CCR6: variants seen among roughly 807,000 people sequenced by gnomAD.
CCR6 encodes C-C motif chemokine receptor 6, also known as C-C chemokine receptor type 6.
In CCR6, 2 loss-of-function variants were observed where a neutral mutation model predicts 3.0. That is an observed-to-expected ratio of 0.66 (90% CI 0.27 to 2.07). The LOEUF (loss-of-function observed/expected upper bound fraction) is 2.07, where lower values mean the gene tolerates loss of function less well. CCR6 is among the 30% of genes most tolerant of loss of function. The pLI, the probability that CCR6 is intolerant of heterozygous loss-of-function variation, is 0.14. For synonymous variants in CCR6, 193 were observed against 184.3 expected, an observed-to-expected ratio of 1.05 and a Z score of -0.38; for missense variants, 322 against 462.8, an observed-to-expected ratio of 0.70 and a Z score of 2.79.
intron 1 of CCR6, chr6:167,116,196 T>C (rs1476125529): frequency 6.6e-6 from 1 of 152,262 alleles, no homozygotes; most frequent in Non-Finnish European, 1.5e-5. Flanking sequence ...AATGCGGAAC[T>C]CCTGGCTCTG....
upstream of CCR6, among the ~76,000 whole-genome samples, chr6:167,117,902 C>T (rs544795610): frequency 1.3e-5 from 2 of 150,778 alleles, no homozygotes; most frequent in South Asian, 2.1e-4. Context: ...CTTTTCAGTG[C>T]TCAAATTCTT....
intron 1 of CCR6, among the ~76,000 whole-genome samples, chr6:167,131,774 A>C (rs1253213176): frequency 3.3e-5 from 5 of 152,146 alleles, no homozygotes. Context: ...TGTTTATGGC[A>C]CTAAGTGTCT....
chr6:167,129,547 C>T (rs1781720739), intron 1 of CCR6: 1 of 152,028 alleles, frequency 6.6e-6, no homozygotes, highest in Non-Finnish European at 1.5e-5. Flanking sequence ...TCACAGGCAC[C>T]ATTCGCTGGA....
At position 167,136,419 on chromosome 6, in the gene CCR6, G is replaced by C. The variant is rs1781850992; in HGVS notation, c.189G>C (p.Gly63=). 12 of 1,613,464 alleles carry C rather than the reference G, an allele frequency of 7.4e-6. No individual in the cohort carries two copies. The highest frequency in any genetic ancestry group is 1.3e-5 in the African/African-American group (1 of 75,012). The change falls in exon 3 of 3, where the codon GGG becomes GGC. Residue 63 remains glycine, a synonymous_variant. Coordinates refer to ENST00000341935, the MANE Select transcript of CCR6 (RefSeq NM_031409.4). The surrounding 1 kb of genome is among the most constrained non-coding windows in gnomAD (Gnocchi z 4.6). ...YSLICVFGLL[G]NILVVITFAF... ...TGATCTGTGTCTTTGGCCTCCTGGG[G>C]AATATTCTGGTGGTGATCACCTTTG...
intron 1 of CCR6, among the ~76,000 whole-genome samples, chr6:167,130,845 G>A (rs1781741719): frequency 6.9e-6 from 1 of 145,466 alleles, no homozygotes; most frequent in African/African-American, 2.7e-5. Flanking sequence ...GACGGAGTAG[G>A]CCAGCTTCTC....
In CCR6 at chr6:167,136,334, T is replaced by C; in HGVS notation, c.104T>C (p.Leu35Pro). 6.2e-7 allele frequency: 1 copy of C among 1,614,188 alleles called. No homozygotes were observed. Among genetic ancestry groups the C allele is most frequent in the Non-Finnish European group, 8.5e-7 (1 of 1,180,010 alleles). The change falls in exon 3 of 3, where the codon CTG becomes CCG. Residue 35 changes from leucine (L) to proline (P), a missense_variant. Coordinates refer to ENST00000341935, the MANE Select transcript of CCR6 (RefSeq NM_031409.4). This position sits in a 1 kb window ranked among gnomAD's most constrained non-coding sequence, Gnocchi z 4.6. ...SYYSVDSEML[L>P]CSLQEVRQFS... ...TACTCAGTTGATTCTGAGATGTTACTGTGCTCCTTGCAGGAGGTCAGGCAG... is the reference window on the plus strand; with the variant it reads ...TACTCAGTTGATTCTGAGATGTTACCGTGCTCCTTGCAGGAGGTCAGGCAG...
At position 167,137,340 on chromosome 6, in the gene CCR6, G is replaced by A. The variant is rs773654249; in HGVS notation, c.1110G>A (p.Ser370=). 33 of 1,611,670 alleles carry A rather than the reference G, an allele frequency of 2.0e-5. No homozygotes were observed. Among genetic ancestry groups the A allele is most frequent in the Admixed American group, 5.0e-5 (3 of 59,726 alleles). ...AGACCGCAGATAACGACAATGCGTC[G>A]TCCTTCACTATGTGATAGAAAGCTG... ...TSETADNDNA[S]SFTM is the part of the protein sequence containing the mutation. The change falls in exon 3 of 3, where the codon TCG becomes TCA. Residue 370 remains serine (S), a synonymous_variant. Coordinates refer to ENST00000341935, the MANE Select transcript of CCR6 (RefSeq NM_031409.4). This position sits in a 1 kb window ranked among gnomAD's most constrained non-coding sequence, Gnocchi z 4.6.
chr6:167,137,719 C>A lies in CCR6; in HGVS notation c.*364C>A. 1 of 168,958 alleles carries A rather than the reference C, an allele frequency of 5.9e-6. No individual in the cohort carries two copies. Among genetic ancestry groups the A allele is most frequent in the Non-Finnish European group, 1.3e-5 (1 of 78,064 alleles). The allele number at this position is 168,958 out of a possible 1,614,324, so 10.5% of individuals were successfully genotyped here. On this transcript the variant is annotated 3_prime_UTR_variant, in exon 3 of 3. Transcript: ENST00000341935. This position sits in a 1 kb window ranked among gnomAD's most constrained non-coding sequence, Gnocchi z 4.6. ...ATCACAGTGTCTTTTGGTTACAGCA[C>A]AAAATGATGGCAGTGGTTTGAAAAA...
intron 1 of CCR6, among the ~76,000 whole-genome samples, chr6:167,129,118 C>A (rs1016015520): frequency 6.6e-6 from 1 of 152,188 alleles, no homozygotes; most frequent in Admixed American, 6.5e-5. Context: ...AGTGCAGTGT[C>A]CATAGGGCCT....
chr6:167,125,417 G>A (rs41336844), intron 1 of CCR6, among the ~76,000 whole-genome samples: 1 of 152,186 alleles, frequency 6.6e-6, no homozygotes, highest in South Asian at 2.1e-4. Context: ...TCTTCTTGGG[G>A]AGCCCCCCAC....
At chr6:167,122,281 T>G (rs1420573418), upstream of CCR6, among the ~76,000 whole-genome samples, 2 of 152,228 alleles carry the variant, frequency 1.3e-5, no homozygotes, top group Non-Finnish European at 2.9e-5. This position sits in a 1 kb window ranked among gnomAD's most constrained non-coding sequence, Gnocchi z 4.2. Flanking sequence ...TGAGACGTGG[T>G]TCACAGCAAC....
At chr6:167,117,157 T>G (rs1781506645) in intron 1 of CCR6, 1 of 152,164 alleles carries the variant, frequency 6.6e-6, no homozygotes, top group Non-Finnish European at 1.5e-5. Flanking sequence ...AGAATACTGC[T>G]GCGTCTGCGA....
chr6:167,119,595 A>C (rs1999459), upstream of CCR6, among the ~76,000 whole-genome samples: 10,735 of 152,310 alleles, frequency 0.07, 647 homozygotes, highest in African/African-American at 0.16. Flanking sequence ...GTGACTCCCC[A>C]TGCCCAAATG....
At chr6:167,131,179 T>C (rs577855660) in intron 1 of CCR6, 3 of 152,390 alleles carry the variant, frequency 2.0e-5, no homozygotes, top group East Asian at 3.9e-4. Context: ...GGAACCGTTA[T>C]ATAATTACTT....
In CCR6 at chr6:167,136,643, G is replaced by T; in HGVS notation, c.413G>T (p.Cys138Phe). 6.2e-7 allele frequency: 1 copy of T among 1,614,124 alleles called. No homozygotes were observed. The highest frequency in any genetic ancestry group is 2.2e-5 in the East Asian group (1 of 44,894). ...AACTGCGGGATGCTGCTCCTGACTT[G>T]CATTAGCATGGACCGGTACATCGCC... ...NFNCGMLLLT[C>F]ISMDRYIAIV... The change falls in exon 3 of 3, where the codon TGC (cysteine) becomes TTC (phenylalanine). Residue 138 changes from cysteine (C) to phenylalanine (F), a missense_variant. Transcript: ENST00000341935. This position sits in a 1 kb window ranked among gnomAD's most constrained non-coding sequence, Gnocchi z 4.6.
chr6:167,117,577 C>T (rs944073361), intron 1 of CCR6, among the ~76,000 whole-genome samples: 14 of 151,630 alleles, frequency 9.2e-5, no homozygotes, highest in South Asian at 8.4e-4. Context: ...CCACCACGCC[C>T]GGCTAATTTT....
At chr6:167,112,750 T>C (rs1419591967) in intron 1 of CCR6, among the ~76,000 whole-genome samples, 1 of 152,040 alleles carries the variant, frequency 6.6e-6, no homozygotes, top group Admixed American at 6.5e-5. Context: ...CACAGCGTGC[T>C]GACGAAGGTG....
chr6:167,113,348 A>G (rs577505231), intron 1 of CCR6, among the ~76,000 whole-genome samples: 1 of 152,308 alleles, frequency 6.6e-6, no homozygotes, highest in East Asian at 1.9e-4. Context: ...TTCAGTGGGA[A>G]TGTCACCTGC....
Position 167,138,812 on chromosome 6 carries a change from C to T in CCR6, c.*1457C>T, listed in dbSNP as rs1423056293. On this transcript the variant is annotated 3_prime_UTR_variant, in exon 3 of 3. Transcript: ENST00000341935. ...GGCGTGGTGGCGGGTGCCTGTAATC[C>T]CAGCTACTTGGGAGGCTGAGGCAAG... 6.6e-6 allele frequency: 1 copy of T among 151,474 alleles called. No individual in the cohort carries two copies. Among genetic ancestry groups the T allele is most frequent in the African/African-American group, 2.4e-5 (1 of 41,226 alleles). The allele number at this position is 151,474 out of a possible 1,614,324, so 9.4% of individuals were successfully genotyped here.
Sources: allele counts gnomAD v4.1 joint callset (sites outside exome capture counted in the v4.1 genomes callset), GRCh38; gene constraint gnomAD v4.1.1; non-coding constraint Gnocchi (gnomAD v3.1); transcripts MANE v1.5; gene names NCBI Gene and HGNC (gene_info 2026-07-23, HGNC 2026-07-21).